The following NTM variants were observed in gnomAD, a reference collection of about 807,000 sequenced individuals.
The protein encoded by NTM is neurotrimin, also known as IgLON family member 2.
NTM carries 13 observed loss-of-function variants against 42.1 expected under a neutral mutation model. The ratio of observed to expected loss-of-function variants is 0.31; its 90% CI spans 0.20 to 0.49. The LOEUF is 0.49. Ranked by LOEUF, NTM falls within the 20% of genes least tolerant of loss-of-function variation. NTM has a pLI of 0.99. For synonymous variants in NTM, 187 were observed against 179.2 expected, an observed-to-expected ratio of 1.04 and a Z score of -0.35; for missense variants, 373 against 452.8, an observed-to-expected ratio of 0.82 and a Z score of 1.60.
At chr11:131,803,385 C>T (rs899864557) in intron 1 of NTM, among the ~76,000 whole-genome samples, 14 of 151,808 alleles carry the variant, frequency 9.2e-5, no homozygotes, top group African/African-American at 2.7e-4. Context: ...CTTGGCTCAC[C>T]GCAAGCTCTG....
chr11:131,758,920 G>C (rs761617170), intron 1 of NTM, among the ~76,000 whole-genome samples: 2 of 151,996 alleles, frequency 1.3e-5, no homozygotes, highest in African/African-American at 2.4e-5. Context: ...AGCCTGTACC[G>C]GCCTAGATGA....
intron 1 of NTM, among the ~76,000 whole-genome samples, chr11:131,870,605 C>T (rs1236550633): frequency 1.3e-5 from 2 of 152,156 alleles, no homozygotes; most frequent in Non-Finnish European, 2.9e-5. Flanking sequence ...CTCACCCCTC[C>T]CTACCTTTTC....
At chr11:131,478,185 C>T (rs1304328587) in intron 1 of NTM, among the ~76,000 whole-genome samples, 2 of 152,184 alleles carry the variant, frequency 1.3e-5, no homozygotes, top group Non-Finnish European at 2.9e-5. Flanking sequence ...TGGCACCTAA[C>T]TTTTCAGCCT....
chr11:132,141,688 A>G (rs1005692635), intron 2 of NTM, among the ~76,000 whole-genome samples: 7 of 152,236 alleles, frequency 4.6e-5, no homozygotes, highest in African/African-American at 1.4e-4. Context: ...CTCTAAAAGA[A>G]GACACTTATC....
chr11:131,846,178 ACT>A (rs2044881873), intron 1 of NTM, among the ~76,000 whole-genome samples: 1 of 152,028 alleles, frequency 6.6e-6, no homozygotes. Context: ...TAATTAAAAG[ACT>A]CTGCTGAATT....
chr11:131,585,259 T>C (rs897625044), intron 1 of NTM, among the ~76,000 whole-genome samples: 9 of 152,210 alleles, frequency 5.9e-5, no homozygotes, highest in African/African-American at 1.9e-4. Context: ...TTTTGCACCA[T>C]GCACATGTAA....
intron 1 of NTM, among the ~76,000 whole-genome samples, chr11:131,687,736 G>A (rs1394740099): frequency 1.3e-5 from 2 of 152,172 alleles, no homozygotes; most frequent in African/African-American, 2.4e-5. Flanking sequence ...GTGCCACTGG[G>A]AGAGGGACAG....
intron 1 of NTM, among the ~76,000 whole-genome samples, chr11:131,823,287 C>T (rs2093266845): frequency 6.6e-6 from 1 of 152,180 alleles, no homozygotes; most frequent in Admixed American, 6.5e-5. Flanking sequence ...CCACACATGT[C>T]CTCAGCCTTC....
chr11:132,276,446 G>A (rs901799077), intron 4 of NTM, among the ~76,000 whole-genome samples: 2 of 152,022 alleles, frequency 1.3e-5, no homozygotes, highest in Admixed American at 6.6e-5. Context: ...TGGCTTTTGG[G>A]GGGTGTCTCA....
At chr11:132,108,501 G>C (rs1160785084) in intron 2 of NTM, among the ~76,000 whole-genome samples, 3 of 152,118 alleles carry the variant, frequency 2.0e-5, no homozygotes, top group African/African-American at 7.2e-5. Flanking sequence ...AAAGGCATAA[G>C]AATGATACAA....
intron 2 of NTM, among the ~76,000 whole-genome samples, chr11:131,968,033 A>T (rs1156347813): frequency 6.6e-6 from 1 of 152,152 alleles, no homozygotes. Flanking sequence ...AAATAACATA[A>T]ATAAATGCGA....
chr11:131,446,972 TG>T (rs947152142), intron 1 of NTM, among the ~76,000 whole-genome samples: 9 of 152,230 alleles, frequency 5.9e-5, no homozygotes, highest in Non-Finnish European at 1.2e-4. Flanking sequence ...CTGAAAAGAA[TG>T]TCAGAAAGGA....
chr11:131,433,619 T>A (rs1948869467), intron 1 of NTM, among the ~76,000 whole-genome samples: 1 of 152,200 alleles, frequency 6.6e-6, no homozygotes, highest in Admixed American at 6.5e-5. Flanking sequence ...CTCAGAGTAG[T>A]TTTCCTTCAG....
In NTM at chr11:132,068,639, C is replaced by A. The variant is rs1207089444; in HGVS notation, c.168-77643C>A. Among the ~76,000 whole-genome samples the A allele has an allele frequency of 2.6e-5, 4 of 152,208 alleles. No individual in the cohort carries two copies. The East Asian group carries it at 7.7e-4, about 29-fold the overall frequency. On this transcript the variant is annotated intron_variant, in intron 2 of 8. Coordinates refer to ENST00000683400, the MANE Select transcript of NTM (RefSeq NM_001352005.2). ...ATTTCTTCTAGCAATAACTCACTTCCTTGTAGCAAAATCTGCATCAGTCAG... is the reference window on the plus strand; with the variant it reads ...ATTTCTTCTAGCAATAACTCACTTCATTGTAGCAAAATCTGCATCAGTCAG...
intron 2 of NTM, among the ~76,000 whole-genome samples, chr11:132,138,432 G>A (rs1415734772): frequency 6.6e-6 from 1 of 152,182 alleles, no homozygotes; most frequent in Non-Finnish European, 1.5e-5. Context: ...AAAGCAGGAA[G>A]TCACAGAATT....
At chr11:131,395,549 T>A (rs1166747215) in intron 1 of NTM, among the ~76,000 whole-genome samples, 1 of 152,160 alleles carries the variant, frequency 6.6e-6, no homozygotes, top group Non-Finnish European at 1.5e-5. Context: ...CTGTGGCTAT[T>A]TATAATTAAT....
intron 3 of NTM, among the ~76,000 whole-genome samples, chr11:132,152,564 T>G (rs190390159): frequency 2.0e-5 from 3 of 152,228 alleles, no homozygotes; most frequent in African/African-American, 4.8e-5. Context: ...ACTATAAAAT[T>G]GGAGCTCTCC....
chr11:132,283,501 C>G (rs1044944918), intron 4 of NTM, among the ~76,000 whole-genome samples: 2 of 152,074 alleles, frequency 1.3e-5, no homozygotes, highest in African/African-American at 4.8e-5. Context: ...ACAATTAGGA[C>G]AGCGATCAGA....
intron 2 of NTM, among the ~76,000 whole-genome samples, chr11:131,915,899 G>T (rs2056265986): frequency 6.6e-6 from 1 of 152,164 alleles, no homozygotes; most frequent in Admixed American, 6.5e-5. Flanking sequence ...CAACACATAG[G>T]AATTATGGGA....
Sources: allele counts gnomAD v4.1 joint callset (sites outside exome capture counted in the v4.1 genomes callset), GRCh38; gene constraint gnomAD v4.1.1; transcripts MANE v1.5; gene names NCBI Gene and HGNC (gene_info 2026-07-23, HGNC 2026-07-21).